The following RAB11FIP1 variants were observed in gnomAD, a reference collection of about 807,000 sequenced individuals.
The protein encoded by RAB11FIP1 is rab11 family-interacting protein 1.
A neutral mutation model predicts 83.1 loss-of-function variants in RAB11FIP1; 49 were observed. The ratio of observed to expected loss-of-function variants is 0.59; its 90% confidence interval spans 0.47 to 0.75. The LOEUF is 0.75. Ranked by LOEUF, RAB11FIP1 falls within the 30% of genes least tolerant of loss-of-function variation. The pLI is 0.00. For synonymous variants in RAB11FIP1, 670 were observed against 656.0 expected (o/e 1.02, Z -0.33); for missense variants, 1,536 against 1,598.7 (o/e 0.96, Z 0.67).
At chr8:37,883,520 T>C (rs1246485362) in intron 1 of RAB11FIP1, among the ~76,000 whole-genome samples, 1 of 152,226 alleles carries the variant, frequency 6.6e-6, no homozygotes, top group Non-Finnish European at 1.5e-5. Context: ...AAAAACAGTT[T>C]AAGCAAGGGA....
At chr8:37,894,237 CA>C (rs893875063) in intron 1 of RAB11FIP1, among the ~76,000 whole-genome samples, 1 of 152,156 alleles carries the variant, frequency 6.6e-6, no homozygotes, top group Admixed American at 6.5e-5. Context: ...GGTATAAAAA[CA>C]AACACCCATT....
chr8:37,869,053 C>A (rs575367535), intron 5 of RAB11FIP1, among the ~76,000 whole-genome samples: 23 of 151,686 alleles, frequency 1.5e-4, no homozygotes, highest in Non-Finnish European at 2.5e-4. Flanking sequence ...CATGATGAAA[C>A]CTCATCTCTA....
chr8:37,875,433 G>T (rs1263866441), intron 2 of RAB11FIP1, 111 bp from the exon 3 acceptor site: 3 of 765,910 alleles, frequency 3.9e-6, no homozygotes, highest in African/African-American at 3.5e-5. Flanking sequence ...ACTTGGAGGG[G>T]GTGTGCTGCT....
chr8:37,872,110 G>T lies in RAB11FIP1; in HGVS notation c.2692C>A (p.Pro898Thr). 1 of 1,614,000 alleles carries T rather than the reference G, an allele frequency of 6.2e-7. No homozygotes were observed. Among genetic ancestry groups the T allele is most frequent in the Non-Finnish European group, 8.5e-7 (1 of 1,180,004 alleles). ...PSQEESFSEV[P>T]MSEASSAKDT... Reference sequence around the variant, plus strand: ...TTCGCTGAGCTTGCTTCACTCATGGGGACTTCGGAGAAACTCTCCTCCTGG... The same window carrying T: ...TTCGCTGAGCTTGCTTCACTCATGGTGACTTCGGAGAAACTCTCCTCCTGG... The change falls in exon 4 of 6, where the codon CCC becomes ACC. Residue 898 changes from proline to threonine, a missense_variant. Coordinates refer to ENST00000330843, the MANE Select transcript of RAB11FIP1 (RefSeq NM_001002814.3).
In RAB11FIP1 at chr8:37,871,517, T is replaced by A; in HGVS notation, c.3285A>T (p.Val1095=). The A allele has an allele frequency of 6.2e-7, 1 of 1,611,452 alleles. No homozygotes were observed. Among genetic ancestry groups the A allele is most frequent in the Non-Finnish European group, 8.5e-7 (1 of 1,178,662 alleles). ...AGATCTCAGAAGGGGAGGGGCTGGG[T>A]ACAGGATTGTCCAGGGATGTGCCAG... The part of the protein sequence containing the change: ...PPPGTSLDNP[V]PSPSPSEIFP... The change falls in exon 4 of 6, where the codon GTA becomes GTT. Residue 1095 remains valine (V), a synonymous_variant. Transcript: ENST00000330843.
At chr8:37,884,877 C>T (rs941598047) in intron 1 of RAB11FIP1, among the ~76,000 whole-genome samples, 2 of 151,790 alleles carry the variant, frequency 1.3e-5, no homozygotes, top group African/African-American at 4.8e-5. Context: ...GAGATAGGGT[C>T]TTGCTATGCT....
At chr8:37,876,210 AAAGAAAGGAAGG>A (rs1274515798) in intron 2 of RAB11FIP1, among the ~76,000 whole-genome samples, 1 of 129,582 alleles carries the variant, frequency 7.7e-6, no homozygotes, top group Non-Finnish European at 1.7e-5. Flanking sequence ...AAAAGAAAAG[AAAGAAAGGAAGG>A]AAGGAAGGAA....
chr8:37,867,125 C>G (rs1449915432), intron 5 of RAB11FIP1, among the ~76,000 whole-genome samples: 1 of 152,222 alleles, frequency 6.6e-6, no homozygotes, highest in African/African-American at 2.4e-5. Flanking sequence ...TGGAGCCACA[C>G]TGCATTCCAC....
rs769033196 is a variant in RAB11FIP1, at chr8:37,872,940, C to A, written c.1862G>T (p.Gly621Val). 2.5e-6 allele frequency: 4 copies of A among 1,614,172 alleles called. No homozygotes were observed. The Admixed American group carries it at 5.0e-5, about 20-fold the overall frequency. Residue 621 changes from glycine (G) to valine (V), a missense_variant, in exon 4 of 6, where the codon GGC becomes GTC. Coordinates refer to ENST00000330843, the MANE Select transcript of RAB11FIP1 (RefSeq NM_001002814.3). ...PIESWPLVDR[G>V]QAKSEGPPLL... ...GGGTGGTCCTTCAGACTTGGCCTGG[C>A]CCCTGTCTACGAGAGGCCAGCTTTC...
intron 5 of RAB11FIP1, among the ~76,000 whole-genome samples, chr8:37,869,527 G>T (rs1303830919): frequency 6.6e-6 from 1 of 152,136 alleles, no homozygotes; most frequent in Non-Finnish European, 1.5e-5. Context: ...AGGAGGGGGA[G>T]GTTGCAGTGA....
At chr8:37,883,689 T>G (rs1434920625) in intron 1 of RAB11FIP1, among the ~76,000 whole-genome samples, 1 of 152,212 alleles carries the variant, frequency 6.6e-6, no homozygotes, top group Admixed American at 6.5e-5. Context: ...TCAGTTCACT[T>G]AATTCCTGCA....
At chr8:37,880,691 G>A (rs1806716683) in intron 1 of RAB11FIP1, among the ~76,000 whole-genome samples, 1 of 150,158 alleles carries the variant, frequency 6.7e-6, no homozygotes, top group East Asian at 2.0e-4. Context: ...GAACCCAGGA[G>A]TTCAAGGCTG....
At chr8:37,895,218 A>AT (rs1807040291) in intron 1 of RAB11FIP1, among the ~76,000 whole-genome samples, 4 of 13,706 alleles carry the variant, frequency 2.9e-4, no homozygotes, top group South Asian at 6.9e-3. Context: ...GGTGCCTGCC[A>AT]ATATATATAT....
In RAB11FIP1 at chr8:37,881,359, G is replaced by T. The variant is rs147939533; in HGVS notation, c.372-3808C>A. 6.1e-3 allele frequency among the ~76,000 whole-genome samples: 936 copies of T among 152,216 alleles called. 14 individuals carry two copies. Among genetic ancestry groups the T allele is most frequent in the African/African-American group, 0.021 (864 of 41,528 alleles). On this transcript the variant is annotated intron_variant, in intron 1 of 5. Coordinates refer to ENST00000330843, the MANE Select transcript of RAB11FIP1 (RefSeq NM_001002814.3). ...AATTCTCTCCTAATTTATCTTGGAT[G>T]GGCCATCTTTTGTAACATAGAGAAA...
At chr8:37,894,837 C>A (rs1188394593) in intron 1 of RAB11FIP1, among the ~76,000 whole-genome samples, 3 of 150,658 alleles carry the variant, frequency 2.0e-5, no homozygotes, top group Admixed American at 6.6e-5. Context: ...GCAACCTCCA[C>A]CTCCTGGGTT....
At chr8:37,874,103 C>A (rs2130149962) in intron 3 of RAB11FIP1, among the ~76,000 whole-genome samples, 1 of 152,332 alleles carries the variant, frequency 6.6e-6, no homozygotes, top group Middle Eastern at 3.4e-3. Flanking sequence ...TACCAGAAAC[C>A]AATGCCAAAA....
chr8:37,880,541 A>G (rs1024831478), intron 1 of RAB11FIP1, among the ~76,000 whole-genome samples: 5 of 151,952 alleles, frequency 3.3e-5, no homozygotes, highest in African/African-American at 1.2e-4. Context: ...TGATCCACCC[A>G]CCTTGGCCTC....
At chr8:37,895,883 C>T (rs990950593) in intron 1 of RAB11FIP1, among the ~76,000 whole-genome samples, 1 of 149,926 alleles carries the variant, frequency 6.7e-6, no homozygotes, top group African/African-American at 2.4e-5. Context: ...GACAGAGAGA[C>T]ACACACACAC....
Position 37,899,405 on chromosome 8 carries a change from C to A in RAB11FIP1, c.37G>T (p.Ala13Ser). The A allele has an allele frequency of 6.3e-7, 1 of 1,588,136 alleles. No individual in the cohort carries two copies. The highest frequency in any genetic ancestry group is 8.6e-7 in the Non-Finnish European group (1 of 1,169,084). Reference protein sequence around the residue: ...LMVSAGRGLGAVWSPTHVQVT... With the variant: ...LMVSAGRGLGSVWSPTHVQVT... ...TGCACGTGGGTTGGGGACCACACGG[C>A]CCCCAGGCCCCGGCCAGCCGAGACC... Residue 13 changes from alanine to serine, a missense_variant, in exon 1 of 6, where the codon GCC becomes TCC. Coordinates refer to ENST00000330843, the MANE Select transcript of RAB11FIP1 (RefSeq NM_001002814.3). This position sits in a 1 kb window ranked among gnomAD's most constrained non-coding sequence, Gnocchi z 4.5.
Sources: gnomAD v4.1 joint callset for allele counts (sites outside exome capture counted in the v4.1 genomes callset) on GRCh38, gnomAD v4.1.1 for gene constraint, Gnocchi (gnomAD v3.1) non-coding constraint, MANE v1.5 for transcripts, NCBI Gene and HGNC (gene_info 2026-07-23, HGNC 2026-07-21) for gene names.